Variants in SCHIP1 observed in about 807,000 individuals in gnomAD.
SCHIP1 encodes schwannomin-interacting protein 1.
A neutral mutation model predicts 29.7 loss-of-function variants in SCHIP1; 8 were observed. The ratio of observed to expected loss-of-function variants is 0.27; its 90% CI spans 0.16 to 0.49. The LOEUF (loss-of-function observed/expected upper bound fraction) is 0.49, where lower values mean the gene tolerates loss of function less well. Among genes scored for constraint, SCHIP1 ranks in the 20% least tolerant of loss-of-function variants. The pLI is 0.99. For synonymous variants in SCHIP1, 76 were observed against 94.9 expected, an observed-to-expected ratio of 0.80 and a Z score of 1.16; for missense variants, 193 against 294.6, an observed-to-expected ratio of 0.66 and a Z score of 2.52.
the SCHIP1 span, among the ~76,000 whole-genome samples, chr3:159,699,452 T>G: frequency 5.1e-4 from 77 of 152,284 alleles, no homozygotes; most frequent in South Asian, 8.3e-4. Context: ...TAGAAGCAGG[T>G]AACACCCAGG....
the SCHIP1 span, among the ~76,000 whole-genome samples, chr3:159,675,579 C>T: frequency 6.6e-6 from 1 of 152,190 alleles, no homozygotes; most frequent in African/African-American, 2.4e-5. Flanking sequence ...CCCGCATGAG[C>T]TTGGTCTGCA....
the SCHIP1 span, among the ~76,000 whole-genome samples, chr3:159,297,783 T>C: frequency 0.018 from 2,717 of 152,294 alleles, 78 homozygotes; most frequent in African/African-American, 0.063. Context: ...GTACCTAGAA[T>C]GATCTTCCCC....
the SCHIP1 span, among the ~76,000 whole-genome samples, chr3:159,429,058 AG>A: frequency 3.7e-5 from 2 of 54,472 alleles, no homozygotes; most frequent in Admixed American, 4.2e-4. Flanking sequence ...GGGTTGGGGG[AG>A]GGGGGAGGGA....
the SCHIP1 span, among the ~76,000 whole-genome samples, chr3:159,665,020 G>A: frequency 0.054 from 8,175 of 151,128 alleles, 473 homozygotes; most frequent in African/African-American, 0.15. Flanking sequence ...AGTGTAGACC[G>A]AGCTGAAAGA....
the SCHIP1 span, among the ~76,000 whole-genome samples, chr3:159,587,700 G>A: frequency 0.2 from 31,043 of 151,842 alleles, 8,639 homozygotes; most frequent in African/African-American, 0.63. Context: ...ATTCCCACCT[G>A]TGAGTGAGAA....
the SCHIP1 span, among the ~76,000 whole-genome samples, chr3:159,432,052 T>G: frequency 6.6e-6 from 1 of 152,094 alleles, no homozygotes; most frequent in Non-Finnish European, 1.5e-5. Flanking sequence ...GTCAGGAACC[T>G]AGAAGTAGCT....
chr3:159,598,181 A>G, the SCHIP1 span, among the ~76,000 whole-genome samples: 9 of 152,144 alleles, frequency 5.9e-5, no homozygotes, highest in Admixed American at 5.2e-4. Flanking sequence ...GAGTCAAACC[A>G]TATTCTGCCC....
the SCHIP1 span, among the ~76,000 whole-genome samples, chr3:159,392,575 T>C: frequency 7.7e-4 from 117 of 152,054 alleles, no homozygotes; most frequent in Non-Finnish European, 1.3e-3. Flanking sequence ...TGGTTTTTTG[T>C]TCTTGTGATA....
chr3:159,392,526 T>A, the SCHIP1 span, among the ~76,000 whole-genome samples: 1 of 150,988 alleles, frequency 6.6e-6, no homozygotes, highest in African/African-American at 2.4e-5. Context: ...ATCTCATTGT[T>A]CAGTTCCCAC....
At chr3:159,515,704 T>C in the SCHIP1 span, among the ~76,000 whole-genome samples, 1 of 152,162 alleles carries the variant, frequency 6.6e-6, no homozygotes, top group Non-Finnish European at 1.5e-5. Flanking sequence ...AGGGAAACTG[T>C]TGAACATTTC....
At chr3:159,433,984 G>C in the SCHIP1 span, among the ~76,000 whole-genome samples, 1 of 152,144 alleles carries the variant, frequency 6.6e-6, no homozygotes, top group Non-Finnish European at 1.5e-5. Context: ...TTGTCACACT[G>C]TATCATAATT....
the SCHIP1 span, among the ~76,000 whole-genome samples, chr3:159,451,084 G>A: frequency 6.6e-6 from 1 of 152,168 alleles, no homozygotes; most frequent in African/African-American, 2.4e-5. Context: ...TGGGATTACA[G>A]GCTTGAGCCA....
chr3:159,683,528 G>A, the SCHIP1 span, among the ~76,000 whole-genome samples: 4 of 151,876 alleles, frequency 2.6e-5, no homozygotes, highest in Admixed American at 6.6e-5. Context: ...GGCTCCTTTC[G>A]ATCACCTCAT....
chr3:159,463,504 T>A, the SCHIP1 span, among the ~76,000 whole-genome samples: 1 of 152,118 alleles, frequency 6.6e-6, no homozygotes, highest in Admixed American at 6.6e-5. Context: ...GAAGAAGTGT[T>A]CCCAGGGTCA....
chr3:159,508,926 A>G, the SCHIP1 span, among the ~76,000 whole-genome samples: 19 of 152,244 alleles, frequency 1.2e-4, no homozygotes, highest in East Asian at 3.5e-3. Context: ...GTGTGGTGCT[A>G]AGAAGAATGT....
the SCHIP1 span, among the ~76,000 whole-genome samples, chr3:159,361,761 C>G: frequency 6.6e-6 from 1 of 152,130 alleles, no homozygotes; most frequent in Non-Finnish European, 1.5e-5. Context: ...AAAGTAGATT[C>G]AGCATGATTC....
chr3:159,711,211 A>AAAAATG, the SCHIP1 span, among the ~76,000 whole-genome samples: 42 of 129,874 alleles, frequency 3.2e-4, no homozygotes, highest in African/African-American at 8.7e-4. Context: ...AATTTAAAAA[A>AAAAATG]TTAGCCGGGC....
At chr3:159,576,764 A>G in the SCHIP1 span, among the ~76,000 whole-genome samples, 1 of 152,100 alleles carries the variant, frequency 6.6e-6, no homozygotes, top group African/African-American at 2.4e-5. Context: ...GTTGAAACAC[A>G]CACTTAGGTT....
intron 5 of SCHIP1, among the ~76,000 whole-genome samples, chr3:159,890,780 T>TG (rs1553800601): frequency 2.0e-5 from 3 of 151,948 alleles, no homozygotes; most frequent in African/African-American, 4.8e-5. Context: ...TTTTTTTTTT[T>TG]GGGGGGCTCT....
Sources: allele counts gnomAD v4.1 joint callset (sites outside exome capture counted in the v4.1 genomes callset), GRCh38; gene constraint gnomAD v4.1.1; transcripts MANE v1.5; gene names NCBI Gene and HGNC (gene_info 2026-07-23, HGNC 2026-07-21).